ERGIC2: variants seen among roughly 807,000 people sequenced by gnomAD.
The protein encoded by ERGIC2 is endoplasmic reticulum-Golgi intermediate compartment protein 2.
ERGIC2 carries 31 observed loss-of-function variants against 52.5 expected under a neutral mutation model. The observed-to-expected ratio is 0.59, with a 90% CI of 0.44 to 0.80. ERGIC2 has a LOEUF of 0.80. ERGIC2 is among the 30% of genes least tolerant of loss of function. The probability of loss-of-function intolerance (pLI) is 0.00; values close to 1 mark genes in which losing one functional copy is unlikely to be tolerated. For synonymous variants in ERGIC2, 129 were observed against 140.6 expected (o/e 0.92, Z 0.58); for missense variants, 395 against 455.2 (o/e 0.87, Z 1.20).
At chr12:29,347,990 C>T (rs1049905781) in intron 10 of ERGIC2, among the ~76,000 whole-genome samples, 4 of 152,158 alleles carry the variant, frequency 2.6e-5, no homozygotes, top group Admixed American at 6.5e-5. Context: ...AACAAAGCAT[C>T]GACCAGTATG....
At chr12:29,357,441 T>C (rs982278532) in intron 7 of ERGIC2, among the ~76,000 whole-genome samples, 182 bp downstream of exon 7, 1 of 152,252 alleles carries the variant, frequency 6.6e-6, no homozygotes, top group Non-Finnish European at 1.5e-5. Context: ...ATATTTGTGA[T>C]AATTCTGATC....
At chr12:29,362,456 A>C (rs1371353401) in intron 5 of ERGIC2, among the ~76,000 whole-genome samples, 1 of 152,022 alleles carries the variant, frequency 6.6e-6, no homozygotes. Flanking sequence ...ACAAAAAATC[A>C]GCTGGTGGTA....
rs1162078602 is a variant in ERGIC2, at chr12:29,339,298, C to T, written c.*1858G>A. The T allele has an allele frequency of 6.6e-6, 1 of 152,074 alleles. No homozygotes were observed. The highest frequency in any genetic ancestry group is 1.5e-5 in the Non-Finnish European group (1 of 68,000). 9.4% of individuals were successfully genotyped at this position (152,074 alleles called of 1,614,324 possible). A position where few individuals can be genotyped will look rare whatever the true frequency, so the allele number is the denominator to read the frequency against. ...ATTTTTAAAGTCCTTTTTAAAGGCA[C>T]TTAACTGTTCTAATCCTAAATGAAA... On this transcript the variant is annotated 3_prime_UTR_variant, in exon 14 of 14. Coordinates refer to ENST00000360150, the MANE Select transcript of ERGIC2 (RefSeq NM_016570.3).
chr12:29,360,673 TATATAATATAC>T (rs1169694066), intron 6 of ERGIC2, among the ~76,000 whole-genome samples: 2 of 148,760 alleles, frequency 1.3e-5, no homozygotes, highest in Admixed American at 6.7e-5. Flanking sequence ...CACAGAAATA[TATATAATATAC>T]ATATTATATA....
At chr12:29,371,190 G>C (rs534934058) in intron 2 of ERGIC2, among the ~76,000 whole-genome samples, 1 of 152,104 alleles carries the variant, frequency 6.6e-6, no homozygotes, top group African/African-American at 2.4e-5. Flanking sequence ...GTAAATACTA[G>C]TATGATCCCT....
At chr12:29,356,990 C>T (rs1388176204) in intron 7 of ERGIC2, among the ~76,000 whole-genome samples, 2 of 150,090 alleles carry the variant, frequency 1.3e-5, no homozygotes, top group African/African-American at 2.5e-5. Flanking sequence ...TCTTTTGAGA[C>T]ACAGTCTTGC....
intron 11 of ERGIC2, among the ~76,000 whole-genome samples, chr12:29,344,115 T>C (rs900287658): frequency 6.6e-6 from 1 of 152,204 alleles, no homozygotes; most frequent in African/African-American, 2.4e-5. Context: ...ATAGAAATCC[T>C]TCTCATTTGA....
At chr12:29,347,405 G>A (rs1351559221) in intron 10 of ERGIC2, among the ~76,000 whole-genome samples, 1 of 152,190 alleles carries the variant, frequency 6.6e-6, no homozygotes, top group Admixed American at 6.5e-5. Context: ...AAAGCTGCCT[G>A]CAATGCTCTC....
intron 3 of ERGIC2, among the ~76,000 whole-genome samples, chr12:29,369,902 C>T (rs1187188075): frequency 6.6e-6 from 1 of 151,874 alleles, no homozygotes; most frequent in Non-Finnish European, 1.5e-5. Context: ...CATGCTAAAT[C>T]AAAGAACCTC....
At chr12:29,343,441 C>A (rs1310931720) in intron 11 of ERGIC2, among the ~76,000 whole-genome samples, 159 bp from the exon 12 acceptor site, 11 of 152,168 alleles carry the variant, frequency 7.2e-5, no homozygotes, top group Admixed American at 7.2e-4. Context: ...AGACTAAGCT[C>A]TTCAGAGACA....
At chr12:29,375,963 C>T (rs1339413469) in intron 1 of ERGIC2, among the ~76,000 whole-genome samples, 1 of 152,198 alleles carries the variant, frequency 6.6e-6, no homozygotes, top group Non-Finnish European at 1.5e-5. Context: ...TAACTTCTAG[C>T]TTTTCTAAAA....
At position 29,371,623 on chromosome 12, in the gene ERGIC2, A is replaced by C. The variant is rs867759864; in HGVS notation, c.11T>G (p.Leu4Arg). MRR[L>R]NRKKTLSLVK... ...CAAACTTAAAGTTTTTTTCCGATTC[A>C]GTCGCCTCATCTTCAGGAAAACCTT... is the stretch of plus-strand genomic sequence containing the variant. Residue 4 changes from leucine (L) to arginine (R), a missense_variant, in exon 2 of 14, where the codon CTG (leucine) becomes CGG (arginine). Transcript: ENST00000360150. The C allele has an allele frequency of 6.2e-7, 1 of 1,612,882 alleles. No homozygotes were observed. Among genetic ancestry groups the C allele is most frequent in the Non-Finnish European group, 8.5e-7 (1 of 1,179,276 alleles).
At position 29,343,295 on chromosome 12, in the gene ERGIC2, C is replaced by T. The variant is rs1383372893; in HGVS notation, c.826-13G>A. 1 of 1,560,506 alleles carries T rather than the reference C, an allele frequency of 6.4e-7. No homozygotes were observed. The highest frequency in any genetic ancestry group is 8.7e-7 in the Non-Finnish European group (1 of 1,149,224). On this transcript the variant is annotated splice_polypyrimidine_tract_variant and intron_variant, in intron 11 of 13. Transcript: ENST00000360150. ...TAATGATACGTTCCTAAAAGGGAGG[C>T]AAAAGGAAGGGGAGAAATAGGAGGA...
chr12:29,343,311 A>C lies in ERGIC2; in HGVS notation c.826-29T>G, dbSNP rs779744918. On this transcript the variant is annotated intron_variant, in intron 11 of 13. Coordinates refer to ENST00000360150, the MANE Select transcript of ERGIC2 (RefSeq NM_016570.3). ...AAAGGGAGGCAAAAGGAAGGGGAGA[A>C]ATAGGAGGAAGAGAGAAACAGAATT... The C allele has an allele frequency of 1.9e-6, 3 of 1,546,922 alleles. No individual in the cohort carries two copies. In the South Asian group the frequency reaches 3.6e-5, roughly 19 times the overall value.
At chr12:29,363,586 C>T (rs916569484) in intron 5 of ERGIC2, among the ~76,000 whole-genome samples, 66 of 151,980 alleles carry the variant, frequency 4.3e-4, no homozygotes, top group African/African-American at 1.5e-3. Flanking sequence ...ATAAAATTTT[C>T]CTGCTCCATA....
intron 1 of ERGIC2, among the ~76,000 whole-genome samples, chr12:29,376,939 C>A (rs1332050720): frequency 6.6e-6 from 1 of 152,090 alleles, no homozygotes; most frequent in Non-Finnish European, 1.5e-5. Flanking sequence ...GTCAAAACAG[C>A]CTTTCCTTTA....
At chr12:29,366,984 T>C (rs1311229134) in intron 4 of ERGIC2, 37 bp from the exon 5 acceptor site, 1 of 1,366,072 alleles carries the variant, frequency 7.3e-7, no homozygotes. Flanking sequence ...TTACATTCTA[T>C]GCTTGGAGGC....
chr12:29,341,743 A>T lies in ERGIC2; in HGVS notation c.1062T>A (p.Pro354=). 1 of 1,570,890 alleles carries T rather than the reference A, an allele frequency of 6.4e-7. No homozygotes were observed. Among genetic ancestry groups the T allele is most frequent in the South Asian group, 1.1e-5 (1 of 89,842 alleles). ...ATACTACACCACTTACAGAATTGAC[A>T]GGTTTATAGGATCCAAGTCTGAAAC... ...CCRFRLGSYK[P]VNSVPFEDGH... The change falls in exon 13 of 14, where the codon CCT becomes CCA. Residue 354 remains proline (P), a synonymous_variant. Coordinates refer to ENST00000360150, the MANE Select transcript of ERGIC2 (RefSeq NM_016570.3).
intron 8 of ERGIC2, among the ~76,000 whole-genome samples, chr12:29,351,968 C>T (rs900137467): frequency 7.9e-5 from 12 of 152,124 alleles, no homozygotes; most frequent in Non-Finnish European, 7.4e-5. Context: ...TTGCTTAATA[C>T]GCAGGATGTT....
Sources: gnomAD v4.1 joint callset for allele counts (sites outside exome capture counted in the v4.1 genomes callset) on GRCh38, gnomAD v4.1.1 for gene constraint, MANE v1.5 for transcripts, NCBI Gene and HGNC (gene_info 2026-07-23, HGNC 2026-07-21) for gene names.